The following SPRY1 variants were observed in gnomAD, a reference collection of about 807,000 sequenced individuals.
The protein encoded by SPRY1 is protein sprouty homolog 1.
A neutral mutation model predicts 22.6 loss-of-function variants in SPRY1; 20 were observed. That is an observed-to-expected ratio of 0.89 (90% CI 0.62 to 1.29). The LOEUF (loss-of-function observed/expected upper bound fraction) is 1.29, where lower values mean the gene tolerates loss of function less well. Ranked by LOEUF, SPRY1 falls within the 50% of genes most tolerant of loss-of-function variation. SPRY1 has a pLI of 0.00. For missense variants in SPRY1, 446 were observed against 387.7 expected, an observed-to-expected ratio of 1.15 and a Z score of -1.26; for synonymous variants, 155 against 144.7, an observed-to-expected ratio of 1.07 and a Z score of -0.51.
intron 2 of SPRY1, chr4:123,399,485 T>G (rs1434225875): frequency 6.6e-6 from 1 of 152,330 alleles, no homozygotes; most frequent in Non-Finnish European, 1.5e-5. Context: ...ATTCATAACT[T>G]TTTCCTTTTC....
At chr4:123,401,468 TCCC>T in intron 2 of SPRY1, 66 bp from the exon 3 acceptor site, 1 of 1,003,418 alleles carries the variant, frequency 1.0e-6, no homozygotes, top group Non-Finnish European at 1.4e-6. Context: ...TTGACAGGAT[TCCC>T]CCCCCCCAAA....
intron 2 of SPRY1, among the ~76,000 whole-genome samples, chr4:123,401,028 T>C (rs951060606): frequency 6.6e-6 from 1 of 152,236 alleles, no homozygotes; most frequent in Non-Finnish European, 1.5e-5. Context: ...CTCAATTTTT[T>C]AATGCCTTAA....
At position 123,401,908 on chromosome 4, in the gene SPRY1, C is replaced by A. The variant is rs765414706; in HGVS notation, c.317C>A (p.Ala106Asp). 9 of 1,614,150 alleles carry A rather than the reference C, an allele frequency of 5.6e-6. No individual in the cohort carries two copies. The South Asian group carries it at 9.9e-5, about 18-fold the overall frequency. Residue 106 changes from alanine to aspartate, a missense_variant, in exon 3 of 3, where the codon GCC becomes GAC. Coordinates refer to ENST00000651917, the MANE Select transcript of SPRY1 (RefSeq NM_001258038.2). ...HLGHAVLPSNARGPILSRSTS... is the reference protein window; with the variant it reads ...HLGHAVLPSNDRGPILSRSTS... Reference sequence around the variant, plus strand: ...GGACATGCAGTACTCCCAAGTAATGCCAGGGGCCCCATTTTGAGCAGATCA... The same window carrying A: ...GGACATGCAGTACTCCCAAGTAATGACAGGGGCCCCATTTTGAGCAGATCA...
rs1227544624 is a variant in SPRY1, at chr4:123,403,636, GAC to G, written c.*1086_*1087del. 6.0e-6 allele frequency: 1 copy of G among 167,048 alleles called. No individual in the cohort carries two copies. The highest frequency in any genetic ancestry group is 1.5e-5 in the Non-Finnish European group (1 of 68,104). 10.3% of individuals were successfully genotyped at this position (167,048 alleles called of 1,614,324 possible). A position where few individuals can be genotyped will look rare whatever the true frequency, so the allele number is the denominator to read the frequency against. On this transcript the variant is annotated 3_prime_UTR_variant, in exon 3 of 3. Transcript: ENST00000651917. ...TTATTTTATGGTATTTATTGCAAAAGACTGTTGAAATGTACTCATGTTTGAAT... is the reference window on the plus strand; with the variant it reads ...TTATTTTATGGTATTTATTGCAAAAGTGTTGAAATGTACTCATGTTTGAAT...
chr4:123,398,723 G>A (rs1241226919), intron 2 of SPRY1, among the ~76,000 whole-genome samples: 1 of 152,154 alleles, frequency 6.6e-6, no homozygotes, highest in African/African-American at 2.4e-5. Flanking sequence ...CTCAAGGTTG[G>A]GTGGCGGGGT....
Position 123,402,341 on chromosome 4 carries a change from A to G in SPRY1, c.750A>G (p.Gln250=), listed in dbSNP as rs760710183. The G allele has an allele frequency of 2.8e-5, 46 of 1,614,078 alleles. No individual in the cohort carries two copies. The highest frequency in any genetic ancestry group is 2.6e-5 in the Non-Finnish European group (31 of 1,180,030). ...SYSDNPCSCS[Q]SHCCSRYLCM... ...CAGATAATCCTTGCTCCTGTTCACA[A>G]TCACACTGCTGCTCTAGATACCTGT... The change falls in exon 3 of 3, where the codon CAA becomes CAG. Residue 250 remains glutamine (Q), a synonymous_variant. Coordinates refer to ENST00000651917, the MANE Select transcript of SPRY1 (RefSeq NM_001258038.2).
chr4:123,402,038 G>T lies in SPRY1; in HGVS notation c.447G>T (p.Arg149Ser). 2 of 1,614,162 alleles carry T rather than the reference G, an allele frequency of 1.2e-6. No individual in the cohort carries two copies. The highest frequency in any genetic ancestry group is 1.7e-6 in the Non-Finnish European group (2 of 1,180,034). ...CAACCAGACCAGTCCCTGGTCATAG[G>T]TCTGAAAGGGCAATCCGGACCCAGC... ...SPPTRPVPGH[R>S]SERAIRTQPK... Residue 149 changes from arginine to serine, a missense_variant, in exon 3 of 3, where the codon AGG becomes AGT. Coordinates refer to ENST00000651917, the MANE Select transcript of SPRY1 (RefSeq NM_001258038.2).
intron 2 of SPRY1, among the ~76,000 whole-genome samples, chr4:123,400,988 C>T (rs1725122728): frequency 6.6e-6 from 1 of 152,002 alleles, no homozygotes; most frequent in Non-Finnish European, 1.5e-5. Context: ...TAGAAAATTA[C>T]CTATTATTTT....
chr4:123,400,671 G>A (rs1452266384), intron 2 of SPRY1, among the ~76,000 whole-genome samples: 4 of 152,084 alleles, frequency 2.6e-5, no homozygotes, highest in African/African-American at 7.2e-5. Context: ...TGTAAATACA[G>A]ATTTTTAAAT....
intron 2 of SPRY1, 74 bp from the exon 3 acceptor site, chr4:123,401,463 A>G: frequency 7.8e-7 from 1 of 1,280,736 alleles, no homozygotes. Flanking sequence ...GTGATTTGAC[A>G]GGATTCCCCC....
intron 2 of SPRY1, chr4:123,398,347 GGCCGGTGGC>G (rs1246618894): frequency 6.6e-6 from 1 of 151,276 alleles, no homozygotes; most frequent in Non-Finnish European, 1.5e-5. Flanking sequence ...GAGCGCTCCT[GGCCGGTGGC>G]GGCGGGGGCG....
chr4:123,401,476 C>T (rs528685543), intron 2 of SPRY1, 61 bp from the exon 3 acceptor site: 31 of 1,360,792 alleles, frequency 2.3e-5, no homozygotes, highest in South Asian at 2.8e-5. Flanking sequence ...ATTCCCCCCC[C>T]CCAAAAAAAA....
intron 2 of SPRY1, among the ~76,000 whole-genome samples, chr4:123,400,738 C>T: frequency 6.6e-6 from 1 of 152,052 alleles, no homozygotes; most frequent in Non-Finnish European, 1.5e-5. Flanking sequence ...CGTTAAAGGC[C>T]TCACACTTAT....
At chr4:123,397,007 CATTT>C (rs1724940908) in intron 1 of SPRY1, 75 bp downstream of exon 1, 1 of 152,198 alleles carries the variant, frequency 6.6e-6, no homozygotes, top group African/African-American at 2.4e-5. Flanking sequence ...AGGAACTGAA[CATTT>C]ATTTATTTGA....
chr4:123,401,869 A>C lies in SPRY1; in HGVS notation c.278A>C (p.His93Pro). ...INVNNNYEHRHTSHLGHAVLP... is the reference protein window; with the variant it reads ...INVNNNYEHRPTSHLGHAVLP... Reference sequence around the variant, plus strand: ...GTGAATAATAACTACGAGCACAGACACACAAGCCACCTGGGACATGCAGTA... The same window carrying C: ...GTGAATAATAACTACGAGCACAGACCCACAAGCCACCTGGGACATGCAGTA... Residue 93 changes from histidine to proline, a missense_variant, in exon 3 of 3, where the codon CAC (histidine) becomes CCC (proline). Physicochemically the swap from His to Pro is moderately conservative, Grantham distance 77. Transcript: ENST00000651917. 6.2e-7 allele frequency: 1 copy of C among 1,614,240 alleles called. No homozygotes were observed. Among genetic ancestry groups the C allele is most frequent in the Middle Eastern group, 1.6e-4 (1 of 6,062 alleles).
intron 2 of SPRY1, chr4:123,399,490 C>T (rs749552834): frequency 6.6e-6 from 1 of 152,320 alleles, no homozygotes; most frequent in African/African-American, 2.4e-5. Context: ...TAACTTTTTC[C>T]TTTTCCTTCT....
rs1191571203 is a variant in SPRY1 at position 123,402,694 on chromosome 4, A to G, written c.*143A>G. 1.8e-6 allele frequency: 2 copies of G among 1,098,990 alleles called. No homozygotes were observed. Among genetic ancestry groups the G allele is most frequent in the Non-Finnish European group, 2.6e-6 (2 of 779,642 alleles). The allele number at this position is 1,098,990 out of a possible 1,614,324, so 68.1% of individuals were successfully genotyped here. On this transcript the variant is annotated 3_prime_UTR_variant, in exon 3 of 3. Coordinates refer to ENST00000651917, the MANE Select transcript of SPRY1 (RefSeq NM_001258038.2). ...CCTGTTGCCAAGGTCTAACTCATGG[A>G]TTTTTCTCTTTCCTCATGGATGATC...
intron 2 of SPRY1, chr4:123,399,985 A>C (rs58502815): frequency 3.3e-5 from 5 of 152,186 alleles, no homozygotes; most frequent in African/African-American, 1.2e-4. Context: ...AGTTTGTTAC[A>C]ACTATCATTG....
rs771800060 is a variant in SPRY1, at chr4:123,402,383, T to C, written c.792T>C (p.Ser264=). 1 of 1,614,216 alleles carries C rather than the reference T, an allele frequency of 6.2e-7. No individual in the cohort carries two copies. The highest frequency in any genetic ancestry group is 1.1e-5 in the South Asian group (1 of 91,086). The change falls in exon 3 of 3, where the codon TCT becomes TCC. Residue 264 remains serine, a synonymous_variant. Coordinates refer to ENST00000651917, the MANE Select transcript of SPRY1 (RefSeq NM_001258038.2). ...CSRYLCMGAM[S]LFLPCLLCYP... is the part of the protein sequence containing the mutation. ...GATACCTGTGTATGGGAGCCATGTCTTTATTTTTACCTTGCTTACTCTGTT... is the reference window on the plus strand; with the variant it reads ...GATACCTGTGTATGGGAGCCATGTCCTTATTTTTACCTTGCTTACTCTGTT...
Sources: allele counts gnomAD v4.1 joint callset (sites outside exome capture counted in the v4.1 genomes callset), GRCh38; gene constraint gnomAD v4.1.1; transcripts MANE v1.5; gene names NCBI Gene and HGNC (gene_info 2026-07-23, HGNC 2026-07-21).